The following MIR2052HG variants were observed in gnomAD, a reference collection of about 807,000 sequenced individuals.
MIR2052HG encodes MIR2052 host gene.
At chr8:74,673,910 T>TATATATATATATATATATATAC (rs1485340799) in intron 2 of MIR2052HG, among the ~76,000 whole-genome samples, 16 of 133,230 alleles carry the variant, frequency 1.2e-4, no homozygotes, top group African/African-American at 5.1e-4. Flanking sequence ...TATATATATA[T>TATATATATATATATATATATAC]ACACACACAA....
chr8:74,694,337 T>C (rs1163472060), intron 2 of MIR2052HG, among the ~76,000 whole-genome samples: 1 of 152,184 alleles, frequency 6.6e-6, no homozygotes, highest in Non-Finnish European at 1.5e-5. Context: ...GAGCAACCCA[T>C]GGAACAAAAT....
chr8:74,702,644 C>T (rs559877164), intron 3 of MIR2052HG, among the ~76,000 whole-genome samples: 1 of 152,122 alleles, frequency 6.6e-6, no homozygotes, highest in South Asian at 2.1e-4. Flanking sequence ...AAGAACTGGA[C>T]AATTATTTTA....
chr8:74,656,877 A>G (rs1486541345), intron 2 of MIR2052HG, among the ~76,000 whole-genome samples: 1 of 152,238 alleles, frequency 6.6e-6, no homozygotes, highest in Non-Finnish European at 1.5e-5. Context: ...GTTTAGGGAC[A>G]GTCAAGAAGG....
At chr8:74,652,584 G>T (rs1298508134) in intron 2 of MIR2052HG, among the ~76,000 whole-genome samples, 1 of 152,002 alleles carries the variant, frequency 6.6e-6, no homozygotes, top group East Asian at 1.9e-4. Flanking sequence ...ATGATTTAAT[G>T]GTTAAATATA....
rs548378840 is a variant in MIR2052HG at position 74,600,910 on chromosome 8, A to G, written n.128+1002A>G. Among the ~76,000 whole-genome samples the G allele has an allele frequency of 2.4e-4, 37 of 152,264 alleles. 2 individuals carry two copies. Among genetic ancestry groups the G allele is most frequent in the Admixed American group, 1.5e-3 (23 of 15,302 alleles). On this transcript the variant is annotated intron_variant and non_coding_transcript_variant, in intron 1 of 6. Coordinates refer to ENST00000523442, the Ensembl canonical transcript of MIR2052HG. The stretch of plus-strand genomic sequence containing the variant: ...TAATAATGCTGTGACGTATAGGTGT[A>G]TGGTAGAGTGAGAGACCTGGGACAT...
At chr8:74,689,377 C>T (rs116351212) in intron 2 of MIR2052HG, among the ~76,000 whole-genome samples, 1,695 of 152,198 alleles carry the variant, frequency 0.011, 27 homozygotes, top group African/African-American at 0.038. Context: ...TTGCCAATTC[C>T]ATTTGGTATG....
At chr8:74,639,278 A>C (rs1456936413) in intron 2 of MIR2052HG, among the ~76,000 whole-genome samples, 1 of 152,182 alleles carries the variant, frequency 6.6e-6, no homozygotes, top group Non-Finnish European at 1.5e-5. Flanking sequence ...ATTTAGTTAA[A>C]GTTGAATCTG....
intron 2 of MIR2052HG, among the ~76,000 whole-genome samples, chr8:74,654,217 C>G (rs185745354): frequency 6.6e-6 from 1 of 152,122 alleles, no homozygotes; most frequent in Admixed American, 6.5e-5. Context: ...TTGACATGTG[C>G]CCCTCAGTTT....
intron 2 of MIR2052HG, among the ~76,000 whole-genome samples, chr8:74,635,415 C>T (rs920383679): frequency 1.3e-5 from 2 of 151,968 alleles, no homozygotes; most frequent in Non-Finnish European, 2.9e-5. Context: ...TGCACTGGTC[C>T]TTAATTACTG....
intron 2 of MIR2052HG, among the ~76,000 whole-genome samples, chr8:74,622,449 C>CA (rs1210631290): frequency 6.6e-6 from 1 of 151,788 alleles, no homozygotes; most frequent in Admixed American, 6.6e-5. Flanking sequence ...ACTAAAAATA[C>CA]AAAAATTAGC....
intron 2 of MIR2052HG, among the ~76,000 whole-genome samples, chr8:74,672,002 T>C (rs541544859): frequency 6.6e-6 from 1 of 152,190 alleles, no homozygotes; most frequent in Non-Finnish European, 1.5e-5. Context: ...TACCTTTTTA[T>C]AGATAAATTT....
intron 4 of MIR2052HG, among the ~76,000 whole-genome samples, chr8:74,711,969 T>A (rs945696358): frequency 5.3e-5 from 8 of 152,108 alleles, no homozygotes; most frequent in Non-Finnish European, 1.0e-4. Context: ...TCTGGAGAGT[T>A]CCTTCCATGC....
chr8:74,750,995 A>G (rs1809938308), intron 4 of MIR2052HG, among the ~76,000 whole-genome samples: 1 of 152,234 alleles, frequency 6.6e-6, no homozygotes, highest in Non-Finnish European at 1.5e-5. Context: ...AGAATGCTAG[A>G]TAACCTAAAC....
intron 1 of MIR2052HG, among the ~76,000 whole-genome samples, chr8:74,600,598 AAG>A (rs1807983559): frequency 6.6e-6 from 1 of 151,604 alleles, no homozygotes. Flanking sequence ...AAAAAAAAAA[AAG>A]AGACGGAGCT....
At chr8:74,666,319 AC>A (rs1808924025) in intron 2 of MIR2052HG, among the ~76,000 whole-genome samples, 1 of 152,208 alleles carries the variant, frequency 6.6e-6, no homozygotes, top group Non-Finnish European at 1.5e-5. Flanking sequence ...TTTTTACAGC[AC>A]TTAAAAATAA....
At chr8:74,752,179 G>T (rs752842081) in intron 4 of MIR2052HG, among the ~76,000 whole-genome samples, 13 of 151,358 alleles carry the variant, frequency 8.6e-5, no homozygotes, top group Non-Finnish European at 1.9e-4. Context: ...CTAGGTGAGG[G>T]GCTGAGATGG....
Position 74,656,041 on chromosome 8 carries a change from C to T in MIR2052HG, n.216+43101C>T, listed in dbSNP as rs193045840. Among the ~76,000 whole-genome samples the T allele has an allele frequency of 7.2e-5, 11 of 152,232 alleles. No homozygotes were observed. The East Asian group carries it at 7.7e-4, about 11-fold the overall frequency. On this transcript the variant is annotated intron_variant and non_coding_transcript_variant, in intron 2 of 6. Transcript: ENST00000523442. ...ACTACCCCACTGGATTTTGAACTTG[C>T]GTGGGCCCTGTAACCCCTTTGTTTT... is the stretch of plus-strand genomic sequence containing the variant.
At chr8:74,688,885 C>G (rs188198390) in intron 2 of MIR2052HG, among the ~76,000 whole-genome samples, 12 of 152,220 alleles carry the variant, frequency 7.9e-5, no homozygotes, top group African/African-American at 2.6e-4. Flanking sequence ...TAGCTTATCT[C>G]CCACTTATGA....
intron 4 of MIR2052HG, among the ~76,000 whole-genome samples, chr8:74,721,196 G>C (rs1809574548): frequency 2.0e-5 from 3 of 152,158 alleles, no homozygotes; most frequent in Admixed American, 1.3e-4. Context: ...CAGTGGATGG[G>C]CTGGGGGTTG....
Sources: allele counts gnomAD v4.1 joint callset (sites outside exome capture counted in the v4.1 genomes callset), GRCh38; gene constraint gnomAD v4.1.1; transcripts MANE v1.5; gene names NCBI Gene and HGNC (gene_info 2026-07-23, HGNC 2026-07-21).